FTO: variants seen among roughly 807,000 people sequenced by gnomAD.
FTO encodes the protein FTO alpha-ketoglutarate dependent dioxygenase, also known as alpha-ketoglutarate-dependent dioxygenase FTO.
In FTO, 47 loss-of-function variants were observed where a neutral mutation model predicts 63.9. The observed-to-expected ratio is 0.74, with a 90% CI of 0.58 to 0.94. FTO has a LOEUF of 0.94. Ranked by LOEUF, FTO falls within the 40% of genes least tolerant of loss-of-function variation. The pLI, the probability that FTO is intolerant of heterozygous loss-of-function variation, is 0.00. For missense variants in FTO, 562 were observed against 618.1 expected, an observed-to-expected ratio of 0.91 and a Z score of 0.96; for synonymous variants, 207 against 224.4, an observed-to-expected ratio of 0.92 and a Z score of 0.69.
intron 8 of FTO, among the ~76,000 whole-genome samples, chr16:53,941,241 G>A (rs1201848017): frequency 6.6e-6 from 1 of 152,184 alleles, no homozygotes; most frequent in African/African-American, 2.4e-5. Flanking sequence ...ACACTGTGGG[G>A]AATATCAAGA....
intron 8 of FTO, among the ~76,000 whole-genome samples, chr16:53,953,313 A>C (rs2082843646): frequency 6.6e-6 from 1 of 152,266 alleles, no homozygotes; most frequent in Non-Finnish European, 1.5e-5. Flanking sequence ...AACGTTGTCT[A>C]TCTTTTATTG....
intron 1 of FTO, among the ~76,000 whole-genome samples, chr16:53,726,849 T>C (rs1463993669): frequency 6.6e-6 from 1 of 152,168 alleles, no homozygotes; most frequent in Non-Finnish European, 1.5e-5. Flanking sequence ...GAGATGTTGG[T>C]GAATGACAGG....
At chr16:53,945,608 G>A (rs915705453) in intron 8 of FTO, among the ~76,000 whole-genome samples, 1 of 152,174 alleles carries the variant, frequency 6.6e-6, no homozygotes, top group African/African-American at 2.4e-5. Flanking sequence ...AGTTGTGGGT[G>A]CATCTCTATA....
intron 8 of FTO, chr16:53,981,704 G>C (rs1226372436): frequency 6.6e-6 from 1 of 152,184 alleles, no homozygotes; most frequent in African/African-American, 2.4e-5. Flanking sequence ...GAGGTCAGCA[G>C]TTTGAGACCA....
chr16:53,762,729 G>C (rs897759895), intron 1 of FTO, among the ~76,000 whole-genome samples: 2 of 152,118 alleles, frequency 1.3e-5, no homozygotes, highest in Non-Finnish European at 2.9e-5. Flanking sequence ...GATGAATATT[G>C]ATTTGGTGAT....
intron 8 of FTO, among the ~76,000 whole-genome samples, chr16:54,022,134 CA>C (rs754059156): frequency 1.1e-4 from 17 of 151,894 alleles, no homozygotes; most frequent in East Asian, 3.9e-4. Flanking sequence ...AAGAAAAAAA[CA>C]AAAAAACAAA....
At chr16:54,073,808 ATAGATT>A (rs1182642503) in intron 8 of FTO, among the ~76,000 whole-genome samples, 5 of 152,190 alleles carry the variant, frequency 3.3e-5, no homozygotes, top group African/African-American at 1.2e-4. Context: ...TTTTCATTCT[ATAGATT>A]TAAAGAATAA....
chr16:53,722,102 G>C (rs1048351843), intron 1 of FTO, among the ~76,000 whole-genome samples: 1 of 152,138 alleles, frequency 6.6e-6, no homozygotes, highest in African/African-American at 2.4e-5. Flanking sequence ...TTCATGAAGC[G>C]TTTGAGGATT....
chr16:54,108,557 G>A (rs2086807781), intron 8 of FTO, among the ~76,000 whole-genome samples: 1 of 152,134 alleles, frequency 6.6e-6, no homozygotes, highest in Non-Finnish European at 1.5e-5. Context: ...TTAGTATGAA[G>A]GAAGGAGACT....
intron 4 of FTO, among the ~76,000 whole-genome samples, chr16:53,864,792 T>G (rs1425076831): frequency 6.6e-6 from 1 of 152,182 alleles, no homozygotes; most frequent in Non-Finnish European, 1.5e-5. Flanking sequence ...AGATGCACAA[T>G]CCATGAAGCT....
At chr16:53,765,986 C>A (rs2151618559) in intron 1 of FTO, among the ~76,000 whole-genome samples, 1 of 152,166 alleles carries the variant, frequency 6.6e-6, no homozygotes, top group Non-Finnish European at 1.5e-5. Flanking sequence ...CACTGTGGCT[C>A]TGCGTGAGGA....
intron 1 of FTO, among the ~76,000 whole-genome samples, chr16:53,750,132 T>A (rs1006564997): frequency 2.0e-5 from 3 of 152,240 alleles, no homozygotes; most frequent in African/African-American, 7.2e-5. Context: ...GCATTTGGCA[T>A]GTTTAATTGG....
At chr16:53,728,864 G>C (rs1421839601) in intron 1 of FTO, among the ~76,000 whole-genome samples, 1 of 150,698 alleles carries the variant, frequency 6.6e-6, no homozygotes, top group Non-Finnish European at 1.5e-5. Context: ...CTGGGTTCAA[G>C]TGATTCTCCT....
At chr16:53,866,272 A>G (rs1037252890) in intron 4 of FTO, among the ~76,000 whole-genome samples, 5 of 151,940 alleles carry the variant, frequency 3.3e-5, no homozygotes, top group African/African-American at 9.7e-5. Flanking sequence ...AATTCTTTTT[A>G]TACATTGTTA....
At chr16:53,990,824 C>G (rs775646896) in intron 8 of FTO, among the ~76,000 whole-genome samples, 2 of 151,936 alleles carry the variant, frequency 1.3e-5, no homozygotes, top group Non-Finnish European at 2.9e-5. Flanking sequence ...CCCGCCACCA[C>G]GCCTGGCTAA....
At chr16:54,018,963 G>A (rs147602267) in intron 8 of FTO, among the ~76,000 whole-genome samples, 15 of 152,232 alleles carry the variant, frequency 9.9e-5, no homozygotes, top group African/African-American at 2.2e-4. Flanking sequence ...CAGGAAGTTC[G>A]GAAATAGGAC....
At chr16:54,096,432 T>A (rs1425544228) in intron 8 of FTO, among the ~76,000 whole-genome samples, 1 of 152,158 alleles carries the variant, frequency 6.6e-6, no homozygotes, top group Admixed American at 6.5e-5. Flanking sequence ...TGCACCAACA[T>A]ATAATTGTGC....
chr16:54,069,055 T>A (rs17235509), intron 8 of FTO, among the ~76,000 whole-genome samples: 6,263 of 152,300 alleles, frequency 0.041, 178 homozygotes, highest in South Asian at 0.11. Flanking sequence ...ATCATGATTA[T>A]TTTTTTACAC....
chr16:53,725,986 T>A (rs555055546), intron 1 of FTO, among the ~76,000 whole-genome samples: 5 of 152,308 alleles, frequency 3.3e-5, no homozygotes, highest in African/African-American at 1.2e-4. Flanking sequence ...GATAAGACAT[T>A]TCTTTTTACT....
Sources: gnomAD v4.1 joint callset for allele counts (sites outside exome capture counted in the v4.1 genomes callset) on GRCh38, gnomAD v4.1.1 for gene constraint, MANE v1.5 for transcripts, NCBI Gene and HGNC (gene_info 2026-07-23, HGNC 2026-07-21) for gene names.